Variants in INPP4B observed in about 807,000 individuals in gnomAD.
The protein encoded by INPP4B is inositol polyphosphate 4-phosphatase type II.
In INPP4B, 55 loss-of-function variants were observed where a neutral mutation model predicts 122.5. That is an observed-to-expected ratio of 0.45 (90% CI 0.36 to 0.56). The LOEUF (loss-of-function observed/expected upper bound fraction) is 0.56. INPP4B is among the 20% of genes least tolerant of loss of function. INPP4B has a pLI of 0.00. For missense variants in INPP4B, 1,000 were observed against 1,097.7 expected, an observed-to-expected ratio of 0.91 and a Z score of 1.26; for synonymous variants, 403 against 388.7, an observed-to-expected ratio of 1.04 and a Z score of -0.43.
At chr4:142,271,863 A>G (rs778081526) in intron 9 of INPP4B, among the ~76,000 whole-genome samples, 1 of 152,194 alleles carries the variant, frequency 6.6e-6, no homozygotes, top group Non-Finnish European at 1.5e-5. Context: ...AATGAAAGCT[A>G]AAGATAAGTT....
At chr4:142,186,171 A>C (rs1833124671) in intron 15 of INPP4B, among the ~76,000 whole-genome samples, 1 of 152,178 alleles carries the variant, frequency 6.6e-6, no homozygotes, top group South Asian at 2.1e-4. Context: ...TTTTGTGGAA[A>C]TATATCCTTT....
chr4:142,542,941 T>G (rs1829107672), intron 2 of INPP4B, among the ~76,000 whole-genome samples: 1 of 152,056 alleles, frequency 6.6e-6, no homozygotes, highest in East Asian at 1.9e-4. Flanking sequence ...GATCATGTAA[T>G]GGAAAAAAGG....
intron 2 of INPP4B, among the ~76,000 whole-genome samples, chr4:142,557,907 C>T (rs1016932165): frequency 9.2e-5 from 14 of 152,144 alleles, no homozygotes; most frequent in Non-Finnish European, 1.8e-4. Context: ...TGGTTCTGCC[C>T]CTGAGGGCCA....
At chr4:142,509,878 C>T (rs73850897) in intron 2 of INPP4B, among the ~76,000 whole-genome samples, 2,956 of 152,180 alleles carry the variant, frequency 0.019, 96 homozygotes, top group African/African-American at 0.067. Context: ...ATCTGACTTA[C>T]AGTAAGCACT....
At chr4:142,840,238 T>C (rs778064125) in intron 1 of INPP4B, among the ~76,000 whole-genome samples, 1 of 152,060 alleles carries the variant, frequency 6.6e-6, no homozygotes, top group Non-Finnish European at 1.5e-5. Flanking sequence ...TAATTTGCAC[T>C]TTTTTTGCAT....
At chr4:142,313,771 G>A (rs1661590753) in intron 8 of INPP4B, among the ~76,000 whole-genome samples, 1 of 152,238 alleles carries the variant, frequency 6.6e-6, no homozygotes, top group Non-Finnish European at 1.5e-5. Flanking sequence ...GAGATGAGAG[G>A]CTTGTGTTAG....
At chr4:142,056,227 G>A (rs932394892) in intron 25 of INPP4B, among the ~76,000 whole-genome samples, 1 of 152,022 alleles carries the variant, frequency 6.6e-6, no homozygotes, top group Non-Finnish European at 1.5e-5. Context: ...CCTGATACCA[G>A]GGGGTTGGGA....
At chr4:142,133,975 C>T (rs1016641879) in intron 18 of INPP4B, among the ~76,000 whole-genome samples, 2 of 152,166 alleles carry the variant, frequency 1.3e-5, no homozygotes, top group African/African-American at 4.8e-5. Context: ...TCTACAGCCT[C>T]TGTCACCATT....
intron 2 of INPP4B, among the ~76,000 whole-genome samples, chr4:142,552,426 G>A (rs1368560900): frequency 6.7e-6 from 1 of 150,050 alleles, no homozygotes; most frequent in Non-Finnish European, 1.5e-5. Flanking sequence ...AAAACTTGAA[G>A]TCTTAAAAAA....
At chr4:142,161,934 C>G (rs1820331368) in intron 16 of INPP4B, among the ~76,000 whole-genome samples, 1 of 151,832 alleles carries the variant, frequency 6.6e-6, no homozygotes, top group Admixed American at 6.6e-5. Flanking sequence ...AAATTAGCAG[C>G]TTTCTCCCTT....
chr4:142,356,737 T>C (rs576991721), intron 7 of INPP4B, among the ~76,000 whole-genome samples: 1 of 151,852 alleles, frequency 6.6e-6, no homozygotes, highest in South Asian at 2.1e-4. Context: ...TCCTTGGAAC[T>C]TTTTGGGTGA....
chr4:142,173,531 T>C, intron 16 of INPP4B, 101 bp downstream of exon 16: 1 of 981,492 alleles, frequency 1.0e-6, no homozygotes. Flanking sequence ...TACTCTATTT[T>C]ACATTTCCAG....
chr4:142,617,210 G>A (rs888880933), intron 2 of INPP4B, among the ~76,000 whole-genome samples: 1 of 152,062 alleles, frequency 6.6e-6, no homozygotes, highest in African/African-American at 2.4e-5. Flanking sequence ...TGGAATATCA[G>A]GAGTTTCTAG....
intron 2 of INPP4B, among the ~76,000 whole-genome samples, chr4:142,705,022 G>C (rs1762288777): frequency 6.6e-6 from 1 of 151,986 alleles, no homozygotes; most frequent in African/African-American, 2.4e-5. Flanking sequence ...ACTCTTATTG[G>C]CCTTTATCCC....
chr4:142,213,523 C>A (rs930384993), intron 12 of INPP4B, among the ~76,000 whole-genome samples: 4 of 152,174 alleles, frequency 2.6e-5, no homozygotes, highest in African/African-American at 9.6e-5. Flanking sequence ...TGGCTAATAT[C>A]CACTGGACAC....
intron 14 of INPP4B, among the ~76,000 whole-genome samples, chr4:142,198,725 T>C (rs1839451224): frequency 1.3e-5 from 2 of 152,088 alleles, no homozygotes; most frequent in Non-Finnish European, 2.9e-5. Flanking sequence ...GAATTTATGA[T>C]TCATATTTGT....
At chr4:142,567,281 G>T (rs1320091759) in intron 2 of INPP4B, among the ~76,000 whole-genome samples, 1 of 152,112 alleles carries the variant, frequency 6.6e-6, no homozygotes, top group Non-Finnish European at 1.5e-5. Flanking sequence ...ACTGAGGTCA[G>T]GTCAGAGGGT....
At chr4:142,616,126 C>T (rs1174432884) in intron 2 of INPP4B, among the ~76,000 whole-genome samples, 2 of 151,684 alleles carry the variant, frequency 1.3e-5, no homozygotes, top group African/African-American at 2.4e-5. Context: ...CAAAGATTGA[C>T]ATTTTTATGC....
At chr4:142,406,541 T>G (rs2149206925) in intron 5 of INPP4B, among the ~76,000 whole-genome samples, 1 of 152,316 alleles carries the variant, frequency 6.6e-6, no homozygotes. Flanking sequence ...AAGCAGGAAC[T>G]TCGGAATGAA....
Sources: gnomAD v4.1 joint callset for allele counts (sites outside exome capture counted in the v4.1 genomes callset) on GRCh38, gnomAD v4.1.1 for gene constraint, MANE v1.5 for transcripts, NCBI Gene and HGNC (gene_info 2026-07-23, HGNC 2026-07-21) for gene names.